The following RPS6KC1 variants were observed in gnomAD, a reference collection of about 807,000 sequenced individuals.
RPS6KC1 encodes ribosomal protein S6 kinase C1.
A neutral mutation model predicts 103.8 loss-of-function variants in RPS6KC1; 54 were observed. That is an observed-to-expected ratio of 0.52 (90% CI 0.42 to 0.65). The LOEUF (loss-of-function observed/expected upper bound fraction) is 0.65. Ranked by LOEUF, RPS6KC1 falls within the 30% of genes least tolerant of loss-of-function variation. The probability of loss-of-function intolerance (pLI) is 0.00; values close to 1 mark genes in which losing one functional copy is unlikely to be tolerated. For missense variants in RPS6KC1, 1,151 were observed against 1,253.8 expected (o/e 0.92, Z 1.24); for synonymous variants, 439 against 438.7 (o/e 1.00, Z -0.01).
the RPS6KC1 span, among the ~76,000 whole-genome samples, chr1:213,733,117 T>C: frequency 2.0e-5 from 3 of 152,258 alleles, no homozygotes; most frequent in African/African-American, 7.2e-5. Flanking sequence ...GGAGTGCAGA[T>C]ACCTCTTTGA....
At chr1:213,783,989 A>C in the RPS6KC1 span, among the ~76,000 whole-genome samples, 1 of 152,048 alleles carries the variant, frequency 6.6e-6, no homozygotes, top group Non-Finnish European at 1.5e-5. Flanking sequence ...ACTAGTGGGG[A>C]GGAAAAAAAC....
chr1:213,636,374 G>T, the RPS6KC1 span, among the ~76,000 whole-genome samples: 4 of 152,084 alleles, frequency 2.6e-5, no homozygotes, highest in Non-Finnish European at 5.9e-5. Flanking sequence ...ATACTACAAG[G>T]CTACAGTAAC....
intron 8 of RPS6KC1, among the ~76,000 whole-genome samples, chr1:213,226,365 A>G (rs1199518444): frequency 2.6e-5 from 4 of 152,170 alleles, no homozygotes; most frequent in Non-Finnish European, 5.9e-5. Flanking sequence ...CTCCTTTTAC[A>G]TTCTTGATAT....
chr1:213,694,155 T>G, the RPS6KC1 span, among the ~76,000 whole-genome samples: 1 of 152,362 alleles, frequency 6.6e-6, no homozygotes, highest in South Asian at 2.1e-4. Flanking sequence ...CTCAAACTTA[T>G]CTCCTGCTCA....
At chr1:213,652,442 T>C in the RPS6KC1 span, among the ~76,000 whole-genome samples, 3 of 152,198 alleles carry the variant, frequency 2.0e-5, no homozygotes, top group Admixed American at 6.5e-5. Flanking sequence ...AGCATCCACA[T>C]TGTTAACTGT....
the RPS6KC1 span, among the ~76,000 whole-genome samples, chr1:213,450,749 G>A: frequency 6.6e-6 from 1 of 152,186 alleles, no homozygotes; most frequent in Non-Finnish European, 1.5e-5. Flanking sequence ...GCCGAGGCAG[G>A]TGGATCACCT....
the RPS6KC1 span, among the ~76,000 whole-genome samples, chr1:213,349,342 A>G: frequency 6.6e-6 from 1 of 152,142 alleles, no homozygotes; most frequent in Non-Finnish European, 1.5e-5. Flanking sequence ...GGTCACTGCC[A>G]GGGCTGACGT....
At chr1:213,101,202 G>A (rs965284712) in intron 3 of RPS6KC1, among the ~76,000 whole-genome samples, 1 of 152,126 alleles carries the variant, frequency 6.6e-6, no homozygotes, top group African/African-American at 2.4e-5. Context: ...ATATTTTCAT[G>A]TTTGTTGGCT....
the RPS6KC1 span, among the ~76,000 whole-genome samples, chr1:213,345,845 T>G: frequency 6.6e-6 from 1 of 152,246 alleles, no homozygotes. Flanking sequence ...TGGCAGATAC[T>G]TTGAGGCTAA....
At chr1:213,449,380 G>A in the RPS6KC1 span, among the ~76,000 whole-genome samples, 1 of 152,192 alleles carries the variant, frequency 6.6e-6, no homozygotes, top group Admixed American at 6.5e-5. Context: ...GAGGCTAGAA[G>A]TCCAAGATCA....
the RPS6KC1 span, among the ~76,000 whole-genome samples, chr1:213,319,260 C>G: frequency 7.2e-6 from 1 of 139,590 alleles, no homozygotes; most frequent in African/African-American, 2.6e-5. Context: ...CTGCAGTGAG[C>G]CATGATTGCA....
At chr1:213,581,468 C>T in the RPS6KC1 span, among the ~76,000 whole-genome samples, 2 of 152,164 alleles carry the variant, frequency 1.3e-5, no homozygotes, top group South Asian at 4.1e-4. Flanking sequence ...CCAGTCCGAT[C>T]CCAGGAAGAA....
chr1:213,678,983 T>C, the RPS6KC1 span, among the ~76,000 whole-genome samples: 9 of 152,326 alleles, frequency 5.9e-5, no homozygotes, highest in African/African-American at 1.9e-4. Context: ...AATTGAAAGC[T>C]GTTGCTATTT....
At chr1:213,316,700 A>AGTGTGTGT in the RPS6KC1 span, among the ~76,000 whole-genome samples, 53 of 144,522 alleles carry the variant, frequency 3.7e-4, no homozygotes, top group Middle Eastern at 3.6e-3. Context: ...TAGGGCATGC[A>AGTGTGTGT]GTGTGTGTGT....
At chr1:213,712,836 G>T in the RPS6KC1 span, among the ~76,000 whole-genome samples, 3,753 of 152,146 alleles carry the variant, frequency 0.025, 163 homozygotes, top group African/African-American at 0.085. Flanking sequence ...CCCTCTGTGG[G>T]CTGTACCCAC....
chr1:213,107,947 C>T (rs2082652233), intron 4 of RPS6KC1, among the ~76,000 whole-genome samples: 1 of 152,118 alleles, frequency 6.6e-6, no homozygotes, highest in Non-Finnish European at 1.5e-5. Flanking sequence ...CCATTAAAAT[C>T]TACCCATTTT....
the RPS6KC1 span, among the ~76,000 whole-genome samples, chr1:213,823,783 A>G: frequency 1.2e-4 from 18 of 151,188 alleles, no homozygotes; most frequent in Middle Eastern, 6.8e-3. Context: ...AATGATAAAA[A>G]TGATAGCAAA....
the RPS6KC1 span, among the ~76,000 whole-genome samples, chr1:213,672,840 G>A: frequency 2.3e-4 from 35 of 152,070 alleles, no homozygotes; most frequent in Non-Finnish European, 4.7e-4. Flanking sequence ...ATCCCTGTAC[G>A]TTTTCTTCAC....
chr1:213,701,643 G>A, the RPS6KC1 span, among the ~76,000 whole-genome samples: 1 of 151,940 alleles, frequency 6.6e-6, no homozygotes, highest in African/African-American at 2.4e-5. Flanking sequence ...AATCTTGACA[G>A]GTTGTATGTG....
Sources: allele counts gnomAD v4.1 joint callset (sites outside exome capture counted in the v4.1 genomes callset), GRCh38; gene constraint gnomAD v4.1.1; transcripts MANE v1.5; gene names NCBI Gene and HGNC (gene_info 2026-07-23, HGNC 2026-07-21).